HHAT: variants seen among roughly 807,000 people sequenced by gnomAD.
HHAT encodes hedgehog acyltransferase, also known as protein-cysteine N-palmitoyltransferase HHAT.
Under a neutral mutation model 70.8 loss-of-function variants are expected in HHAT, and 47 were observed. That is an observed-to-expected ratio of 0.66 (90% CI 0.53 to 0.85). The LOEUF is 0.85. Ranked by LOEUF, HHAT falls within the 40% of genes least tolerant of loss-of-function variation. HHAT has a pLI of 0.00. For synonymous variants in HHAT, 228 were observed against 247.6 expected (o/e 0.92, Z 0.74); for missense variants, 609 against 604.8 (o/e 1.01, Z -0.07).
At chr1:210,442,914 G>GA (rs1457184307) in intron 7 of HHAT, among the ~76,000 whole-genome samples, 1 of 151,974 alleles carries the variant, frequency 6.6e-6, no homozygotes, top group Non-Finnish European at 1.5e-5. Context: ...TTTTAGACAT[G>GA]AAGTCCTTGC....
chr1:210,328,760 C>A (rs1162517673), upstream of HHAT: 2 of 335,700 alleles, frequency 6.0e-6, no homozygotes, highest in East Asian at 4.6e-5. Context: ...GTGAGCGGGG[C>A]TAGGGGCCCC....
intron 10 of HHAT, among the ~76,000 whole-genome samples, chr1:210,622,017 G>T (rs1668941743): frequency 6.6e-6 from 1 of 152,192 alleles, no homozygotes. Context: ...AGAACAGGAG[G>T]AGTCAGAAAT....
intron 9 of HHAT, among the ~76,000 whole-genome samples, chr1:210,544,965 A>T (rs529469916): frequency 1.3e-5 from 2 of 151,992 alleles, no homozygotes; most frequent in Non-Finnish European, 2.9e-5. Flanking sequence ...CTGTCTCTAA[A>T]TATCCATGGC....
Position 210,663,228 on chromosome 1 carries a change from G to T in HHAT, c.1391-11060G>T, listed in dbSNP as rs371316258. Among the ~76,000 whole-genome samples the T allele has an allele frequency of 3.3e-5, 5 of 152,278 alleles. No homozygotes were observed. In the East Asian group the frequency reaches 5.8e-4, roughly 18 times the overall value. On this transcript the variant is annotated intron_variant, in intron 11 of 11. Coordinates refer to ENST00000261458, the MANE Select transcript of HHAT (RefSeq NM_018194.6). ...CAAGAAAGGGCGGCCCCAGGAGATG[G>T]GGGGACCGAGTGAGTGAGTGCTAGC...
chr1:210,363,244 A>G (rs1400002328), intron 3 of HHAT, among the ~76,000 whole-genome samples: 2 of 152,176 alleles, frequency 1.3e-5, no homozygotes, highest in African/African-American at 4.8e-5. Context: ...GGACGCTCCT[A>G]TACCAACTGC....
chr1:210,496,219 G>C (rs1366933468), intron 8 of HHAT, among the ~76,000 whole-genome samples: 1 of 152,010 alleles, frequency 6.6e-6, no homozygotes. Flanking sequence ...TCATCTGAAG[G>C]CCTCGCTGGG....
intron 3 of HHAT, among the ~76,000 whole-genome samples, chr1:210,371,374 T>G (rs1444515653): frequency 6.6e-6 from 1 of 152,118 alleles, no homozygotes; most frequent in Admixed American, 6.5e-5. Flanking sequence ...GGCCTCAAAC[T>G]CCTGTCCTCA....
intron 10 of HHAT, among the ~76,000 whole-genome samples, chr1:210,622,887 T>A (rs528965356): frequency 7.2e-5 from 11 of 152,324 alleles, no homozygotes; most frequent in South Asian, 4.1e-4. Context: ...AGTTTGAAGT[T>A]CTTGCACCTG....
chr1:210,595,007 C>A (rs998288033), intron 10 of HHAT, among the ~76,000 whole-genome samples: 1 of 151,830 alleles, frequency 6.6e-6, no homozygotes, highest in African/African-American at 2.4e-5. Flanking sequence ...GTTACATGTG[C>A]ACAACGTGCA....
At chr1:210,375,674 G>C (rs986599166) in intron 3 of HHAT, among the ~76,000 whole-genome samples, 1 of 148,008 alleles carries the variant, frequency 6.8e-6, no homozygotes, top group Non-Finnish European at 1.5e-5. Context: ...TTTTTTTTTT[G>C]CCATTATTTC....
intron 3 of HHAT, among the ~76,000 whole-genome samples, chr1:210,370,284 C>T (rs1455756790): frequency 1.3e-5 from 2 of 150,010 alleles, no homozygotes; most frequent in Non-Finnish European, 3.0e-5. Flanking sequence ...AAGCGATTCT[C>T]CTGCCTCAGC....
intron 1 of HHAT, among the ~76,000 whole-genome samples, chr1:210,330,819 TTTTA>T (rs2084921199): frequency 6.6e-6 from 1 of 152,174 alleles, no homozygotes. Context: ...GTTACATTTA[TTTTA>T]TTTATTTGTT....
intron 10 of HHAT, among the ~76,000 whole-genome samples, chr1:210,609,223 T>C (rs993025351): frequency 6.6e-6 from 1 of 152,232 alleles, no homozygotes; most frequent in African/African-American, 2.4e-5. Flanking sequence ...TTATATTTTC[T>C]AGATAATTTA....
Position 210,529,809 on chromosome 1 carries a change from G to A in HHAT, c.1043+16621G>A, listed in dbSNP as rs572013114. ...CCAGCGGTGTCACCAGAAGCGGAGT[G>A]AACTGGAGGGGCCTCAGGGAGCAAT... On this transcript the variant is annotated intron_variant, in intron 9 of 11. Transcript: ENST00000261458. 1.9e-4 allele frequency among the ~76,000 whole-genome samples: 29 copies of A among 152,322 alleles called. No individual in the cohort carries two copies. The East Asian group carries it at 4.2e-3, about 22-fold the overall frequency.
At chr1:210,489,973 A>G (rs953476187) in intron 8 of HHAT, among the ~76,000 whole-genome samples, 1 of 152,242 alleles carries the variant, frequency 6.6e-6, no homozygotes, top group East Asian at 1.9e-4. Context: ...CGACTTTTAC[A>G]TCTTAACATA....
chr1:210,628,883 A>T (rs537689941), intron 11 of HHAT, among the ~76,000 whole-genome samples: 31 of 152,300 alleles, frequency 2.0e-4, no homozygotes, highest in African/African-American at 7.2e-4. Context: ...GGGATTAAAA[A>T]TTTCATTTCT....
chr1:210,661,928 A>G (rs1677812297), intron 11 of HHAT, among the ~76,000 whole-genome samples: 1 of 152,258 alleles, frequency 6.6e-6, no homozygotes, highest in South Asian at 2.1e-4. Flanking sequence ...GCACATGTAT[A>G]CATATGTAAC....
chr1:210,577,264 C>G (rs1175512703), intron 9 of HHAT, among the ~76,000 whole-genome samples: 1 of 152,084 alleles, frequency 6.6e-6, no homozygotes, highest in Admixed American at 6.5e-5. Context: ...TGTTTCTGAT[C>G]TTAGCAAAAA....
intron 3 of HHAT, chr1:210,374,136 T>C (rs190749137): frequency 2.0e-5 from 3 of 152,166 alleles, no homozygotes; most frequent in East Asian, 3.9e-4. Flanking sequence ...CTTTAAGTCT[T>C]TTTTTATAAA....
Sources: allele counts gnomAD v4.1 joint callset (sites outside exome capture counted in the v4.1 genomes callset), GRCh38; gene constraint gnomAD v4.1.1; transcripts MANE v1.5; gene names NCBI Gene and HGNC (gene_info 2026-07-23, HGNC 2026-07-21).